Variants in VWA3B observed in about 807,000 individuals in gnomAD.
VWA3B encodes von Willebrand factor A domain-containing protein 3B.
Under a neutral mutation model 158.3 loss-of-function variants are expected in VWA3B, and 138 were observed. The ratio of observed to expected loss-of-function variants is 0.87; its 90% CI spans 0.76 to 1.00. VWA3B has a LOEUF of 1.00. VWA3B is among the 50% of genes least tolerant of loss of function. The pLI is 0.00. For missense variants in VWA3B, 1,555 were observed against 1,565.1 expected (o/e 0.99, Z 0.11); for synonymous variants, 596 against 587.3 (o/e 1.01, Z -0.21).
chr2:98,276,041 C>T (rs538502410), intron 22 of VWA3B, among the ~76,000 whole-genome samples: 1 of 152,344 alleles, frequency 6.6e-6, no homozygotes, highest in African/African-American at 2.4e-5. Flanking sequence ...TGTCCCCTCA[C>T]TGCCTTGCCC....
At chr2:98,140,187 G>A (rs887160980) in intron 7 of VWA3B, among the ~76,000 whole-genome samples, 1 of 152,200 alleles carries the variant, frequency 6.6e-6, no homozygotes, top group Admixed American at 6.5e-5. Flanking sequence ...CACGCACCGC[G>A]AAGGTCCGTG....
chr2:98,226,539 G>A (rs1405095736), intron 14 of VWA3B, among the ~76,000 whole-genome samples: 4 of 151,050 alleles, frequency 2.6e-5, no homozygotes, highest in African/African-American at 7.3e-5. Context: ...GATTCCAAAA[G>A]CATTATCCAT....
intron 12 of VWA3B, among the ~76,000 whole-genome samples, chr2:98,205,937 A>T (rs1015200446): frequency 4.6e-5 from 7 of 152,104 alleles, no homozygotes; most frequent in Non-Finnish European, 8.8e-5. Flanking sequence ...TTGTTCTGTG[A>T]CTCAAGATAT....
Position 98,112,659 on chromosome 2 carries a change from G to A in VWA3B, c.197-2993G>A, listed in dbSNP as rs74809356. On this transcript the variant is annotated intron_variant, in intron 2 of 27. Coordinates refer to ENST00000477737, the MANE Select transcript of VWA3B (RefSeq NM_144992.5). ...GTACATACATTGCACTGGATTTATC[G>A]AGCTTCTTGGATCTGTAGGGTTTTT... 6.3e-3 allele frequency among the ~76,000 whole-genome samples: 953 copies of A among 151,434 alleles called. 12 individuals are homozygous for A. The highest frequency in any genetic ancestry group is 0.022 in the African/African-American group (905 of 41,300).
chr2:98,297,905 A>G lies in VWA3B; in HGVS notation c.3158-2A>G. The G allele has an allele frequency of 1.3e-6, 2 of 1,513,706 alleles. No individual in the cohort carries two copies. Among genetic ancestry groups the G allele is most frequent in the Non-Finnish European group, 1.8e-6 (2 of 1,128,806 alleles). 93.8% of individuals were successfully genotyped at this position (1,513,706 alleles called of 1,614,324 possible). A position where few individuals can be genotyped will look rare whatever the true frequency, so the allele number is the denominator to read the frequency against. The stretch of plus-strand genomic sequence containing the variant: ...TTTTATGTTTTCTTTGATTCCTTCC[A>G]GGGGTTGTGAAGAAGTGTGTGAGCC... On this transcript the variant is annotated splice_acceptor_variant, in intron 23 of 27. Coordinates refer to ENST00000477737, the MANE Select transcript of VWA3B (RefSeq NM_144992.5). LOFTEE classifies it high-confidence loss of function.
chr2:98,218,204 C>T (rs1279812254), intron 14 of VWA3B, among the ~76,000 whole-genome samples, 176 bp downstream of exon 14: 3 of 152,140 alleles, frequency 2.0e-5, no homozygotes, highest in African/African-American at 4.8e-5. Flanking sequence ...CCAAGGACCA[C>T]CTGAGCTAGG....
Position 98,290,486 on chromosome 2 carries a change from A to G in VWA3B, c.3046-25A>G, listed in dbSNP as rs778141296. On this transcript the variant is annotated intron_variant, in intron 22 of 27. Coordinates refer to ENST00000477737, the MANE Select transcript of VWA3B (RefSeq NM_144992.5). Reference sequence around the variant, plus strand: ...CATCTGCATTCACTTTTTCTCATCAATTATTTCTGCTTTGTCTTTTTCAGC... The same window carrying G: ...CATCTGCATTCACTTTTTCTCATCAGTTATTTCTGCTTTGTCTTTTTCAGC... 4.6e-6 allele frequency: 7 copies of G among 1,524,006 alleles called. No individual in the cohort carries two copies. In the Admixed American group the frequency reaches 1.3e-4, roughly 28 times the overall value. 94.4% of individuals were successfully genotyped at this position (1,524,006 alleles called of 1,614,324 possible).
At chr2:98,186,492 C>T (rs1380313795) in intron 9 of VWA3B, among the ~76,000 whole-genome samples, 2 of 152,112 alleles carry the variant, frequency 1.3e-5, no homozygotes, top group African/African-American at 2.4e-5. Flanking sequence ...TGGTAAATCT[C>T]GATCTTTCCC....
chr2:98,235,020 C>A (rs548969094), intron 17 of VWA3B, among the ~76,000 whole-genome samples: 2 of 152,102 alleles, frequency 1.3e-5, no homozygotes, highest in Non-Finnish European at 2.9e-5. Context: ...CATGCTGCTG[C>A]CCCTCCATGG....
intron 22 of VWA3B, among the ~76,000 whole-genome samples, chr2:98,278,750 TG>T (rs536387074): frequency 4.0e-5 from 6 of 151,734 alleles, no homozygotes; most frequent in Non-Finnish European, 1.5e-5. Flanking sequence ...GGGTACAGGA[TG>T]GGGGGGTGGT....
chr2:98,312,284 C>T lies in VWA3B; in HGVS notation c.3820C>T (p.Leu1274=). The T allele has an allele frequency of 1.9e-6, 3 of 1,614,140 alleles. No homozygotes were observed. The highest frequency in any genetic ancestry group is 2.5e-6 in the Non-Finnish European group (3 of 1,180,014). The change falls in exon 28 of 28, where the codon CTG becomes TTG. Residue 1274 remains leucine (L), a synonymous_variant. Coordinates refer to ENST00000477737, the MANE Select transcript of VWA3B (RefSeq NM_144992.5). ...IIATPPPRAA[L]PCTLQATHSS... Reference sequence around the variant, plus strand: ...TGCCACACCTCCACCTCGAGCAGCCCTGCCCTGTACTCTCCAAGCCACCCA... The same window carrying T: ...TGCCACACCTCCACCTCGAGCAGCCTTGCCCTGTACTCTCCAAGCCACCCA...
At chr2:98,297,832 C>T (rs999027774) in intron 23 of VWA3B, 75 bp from the exon 24 acceptor site, 58 of 1,410,426 alleles carry the variant, frequency 4.1e-5, no homozygotes, top group Admixed American at 2.7e-5. Context: ...TCAGCATGGC[C>T]AGAAAGATGG....
At chr2:98,103,920 TG>T (rs1432366752) in intron 2 of VWA3B, among the ~76,000 whole-genome samples, 12 of 152,224 alleles carry the variant, frequency 7.9e-5, no homozygotes, top group African/African-American at 2.9e-4. Flanking sequence ...AGGATTGTTA[TG>T]TTTTTCTAAG....
At chr2:98,309,001 G>A (rs1441475785) in intron 26 of VWA3B, among the ~76,000 whole-genome samples, 2 of 151,664 alleles carry the variant, frequency 1.3e-5, no homozygotes, top group African/African-American at 2.4e-5. Flanking sequence ...GTGAAACCTC[G>A]CCTCTACTAA....
chr2:98,207,889 C>T (rs562894873), intron 12 of VWA3B, among the ~76,000 whole-genome samples: 1 of 152,098 alleles, frequency 6.6e-6, no homozygotes, highest in Non-Finnish European at 1.5e-5. Context: ...ACAATGTACA[C>T]CCCTCAGAAA....
chr2:98,101,373 A>G (rs1683065078), intron 2 of VWA3B, among the ~76,000 whole-genome samples: 1 of 152,196 alleles, frequency 6.6e-6, no homozygotes, highest in Non-Finnish European at 1.5e-5. Flanking sequence ...GTGTCTTACA[A>G]TGTATGAGAC....
chr2:98,264,291 T>C (rs1259080474), intron 21 of VWA3B, among the ~76,000 whole-genome samples: 2 of 152,094 alleles, frequency 1.3e-5, no homozygotes, highest in African/African-American at 2.4e-5. Flanking sequence ...GTTCTTTTCC[T>C]AGTTCCTTGA....
At chr2:98,265,001 A>C (rs936453497) in intron 21 of VWA3B, among the ~76,000 whole-genome samples, 1 of 151,850 alleles carries the variant, frequency 6.6e-6, no homozygotes, top group Non-Finnish European at 1.5e-5. Context: ...TTAAGTCATA[A>C]GTTGATATAA....
chr2:98,212,072 T>TG, intron 13 of VWA3B, 44 bp downstream of exon 13: 1 of 1,563,078 alleles, frequency 6.4e-7, no homozygotes, highest in Non-Finnish European at 8.8e-7. Flanking sequence ...ACTGATGCTC[T>TG]GAAAGCAAAT....
Sources: gnomAD v4.1 joint callset for allele counts (sites outside exome capture counted in the v4.1 genomes callset) on GRCh38, gnomAD v4.1.1 for gene constraint, MANE v1.5 for transcripts, NCBI Gene and HGNC (gene_info 2026-07-23, HGNC 2026-07-21) for gene names.